SEMA3E: variants seen among roughly 807,000 people sequenced by gnomAD.
SEMA3E encodes semaphorin-3E.
A neutral mutation model predicts 93.6 loss-of-function variants in SEMA3E; 49 were observed. The observed-to-expected ratio is 0.52, with a 90% CI of 0.42 to 0.66. SEMA3E has a LOEUF of 0.66. SEMA3E is among the 30% of genes least tolerant of loss of function. The pLI, the probability that SEMA3E is intolerant of heterozygous loss-of-function variation, is 0.00. For synonymous variants in SEMA3E, 363 were observed against 330.7 expected (o/e 1.10, Z -1.06); for missense variants, 906 against 964.8 (o/e 0.94, Z 0.81).
intron 1 of SEMA3E, among the ~76,000 whole-genome samples, chr7:83,600,708 A>T (rs1792977180): frequency 6.6e-6 from 1 of 151,900 alleles, no homozygotes; most frequent in Admixed American, 6.6e-5. Context: ...AACAGAAAAA[A>T]ATAGTACTTT....
chr7:83,556,165 T>A (rs1281385538), intron 1 of SEMA3E, among the ~76,000 whole-genome samples: 1 of 152,176 alleles, frequency 6.6e-6, no homozygotes, highest in Non-Finnish European at 1.5e-5. Context: ...GTAGGTAACA[T>A]GAAATTGTTT....
chr7:83,533,505 T>C (rs13233918), intron 1 of SEMA3E, among the ~76,000 whole-genome samples: 80,308 of 151,928 alleles, frequency 0.53, 23,584 homozygotes, highest in Middle Eastern at 0.69. Flanking sequence ...GATTGTGCCA[T>C]TGCACTACGG....
intron 14 of SEMA3E, among the ~76,000 whole-genome samples, chr7:83,389,796 T>C (rs1436292479): frequency 1.5e-5 from 1 of 68,010 alleles, no homozygotes; most frequent in African/African-American, 5.7e-5. Flanking sequence ...TATACATATA[T>C]ACACGTATAT....
chr7:83,463,423 C>G (rs1462392340), intron 4 of SEMA3E, among the ~76,000 whole-genome samples: 20 of 151,678 alleles, frequency 1.3e-4, no homozygotes, highest in African/African-American at 4.6e-4. Context: ...TCATACCTGA[C>G]GCATATACTT....
intron 1 of SEMA3E, among the ~76,000 whole-genome samples, chr7:83,604,689 C>T (rs1393291151): frequency 6.6e-6 from 1 of 151,736 alleles, no homozygotes; most frequent in Non-Finnish European, 1.5e-5. Context: ...CATAGGTATA[C>T]GTGTGCCATG....
intron 1 of SEMA3E, among the ~76,000 whole-genome samples, chr7:83,602,258 C>G (rs1376687677): frequency 6.6e-6 from 1 of 152,110 alleles, no homozygotes; most frequent in East Asian, 1.9e-4. Flanking sequence ...TAAGACAAAG[C>G]TAGGAAATGT....
intron 4 of SEMA3E, among the ~76,000 whole-genome samples, chr7:83,431,347 A>C (rs1788879487): frequency 6.6e-6 from 1 of 151,718 alleles, no homozygotes; most frequent in Non-Finnish European, 1.5e-5. Flanking sequence ...AATTTTTATT[A>C]GAAAAAAATA....
intron 1 of SEMA3E, among the ~76,000 whole-genome samples, chr7:83,592,163 C>T (rs975269051): frequency 6.6e-6 from 1 of 151,796 alleles, no homozygotes; most frequent in Non-Finnish European, 1.5e-5. Context: ...CATATAGTAA[C>T]GGTTTTATTT....
At chr7:83,375,641 G>A (rs1260481387) in intron 16 of SEMA3E, among the ~76,000 whole-genome samples, 1 of 152,046 alleles carries the variant, frequency 6.6e-6, no homozygotes, top group Non-Finnish European at 1.5e-5. Flanking sequence ...CTGTACATGT[G>A]TGCATTGGGC....
intron 1 of SEMA3E, among the ~76,000 whole-genome samples, chr7:83,508,081 T>C (rs1487552049): frequency 6.6e-6 from 1 of 152,174 alleles, no homozygotes; most frequent in Non-Finnish European, 1.5e-5. Flanking sequence ...TCAGCCTGCT[T>C]TTGTAAAACT....
chr7:83,594,699 C>T (rs571633537), intron 1 of SEMA3E, among the ~76,000 whole-genome samples: 4 of 152,056 alleles, frequency 2.6e-5, no homozygotes, highest in South Asian at 2.1e-4. Flanking sequence ...TTCTAGTATC[C>T]GTTTCCCCTT....
chr7:83,509,763 A>G (rs1464961314), intron 1 of SEMA3E, among the ~76,000 whole-genome samples: 1 of 152,206 alleles, frequency 6.6e-6, no homozygotes, highest in East Asian at 1.9e-4. Flanking sequence ...GGAATTTTAA[A>G]AAAATTTCCC....
chr7:83,469,035 C>A (rs563077949), intron 3 of SEMA3E, among the ~76,000 whole-genome samples: 1 of 152,206 alleles, frequency 6.6e-6, no homozygotes, highest in African/African-American at 2.4e-5. Context: ...AAAATAAAAA[C>A]CAAGATCTCA....
intron 1 of SEMA3E, among the ~76,000 whole-genome samples, chr7:83,546,718 G>T (rs1452585516): frequency 6.6e-6 from 1 of 151,908 alleles, no homozygotes; most frequent in African/African-American, 2.4e-5. Context: ...CATGTTCATT[G>T]TATCACTATG....
chr7:83,609,922 A>T (rs1246919181), intron 1 of SEMA3E, among the ~76,000 whole-genome samples: 2 of 152,008 alleles, frequency 1.3e-5, no homozygotes, highest in Non-Finnish European at 2.9e-5. Context: ...TATGGACAAT[A>T]GGATTTCTAA....
intron 4 of SEMA3E, among the ~76,000 whole-genome samples, chr7:83,462,724 G>A (rs1391269877): frequency 6.8e-6 from 1 of 146,720 alleles, no homozygotes; most frequent in African/African-American, 2.6e-5. Context: ...TCCTTTTAAA[G>A]CCTATAAACT....
At chr7:83,452,241 T>C (rs1049350363) in intron 4 of SEMA3E, among the ~76,000 whole-genome samples, 33 of 152,280 alleles carry the variant, frequency 2.2e-4, no homozygotes, top group African/African-American at 7.5e-4. Context: ...AGGAATGCCA[T>C]GGAAGAGGTG....
chr7:83,507,478 G>T (rs1790728021), intron 1 of SEMA3E, among the ~76,000 whole-genome samples: 1 of 150,712 alleles, frequency 6.6e-6, no homozygotes, highest in African/African-American at 2.4e-5. Flanking sequence ...GTGTGTGAAA[G>T]GGAGAGACAG....
intron 1 of SEMA3E, among the ~76,000 whole-genome samples, chr7:83,588,195 AAC>A (rs1452929534): frequency 1.3e-5 from 2 of 152,178 alleles, no homozygotes; most frequent in East Asian, 3.9e-4. Context: ...CATCCTTGCC[AAC>A]ATGGTGAAAC....
Sources: allele counts gnomAD v4.1 joint callset (sites outside exome capture counted in the v4.1 genomes callset), GRCh38; gene constraint gnomAD v4.1.1; transcripts MANE v1.5; gene names NCBI Gene and HGNC (gene_info 2026-07-23, HGNC 2026-07-21).